Variants in AFF4 observed in about 807,000 individuals in gnomAD.
AFF4 encodes ALF transcription elongation factor 4, also known as AF4/FMR2 family member 4.
A neutral mutation model predicts 124.8 loss-of-function variants in AFF4; 13 were observed. The observed-to-expected ratio is 0.10, with a 90% confidence interval of 0.07 to 0.17. The LOEUF (loss-of-function observed/expected upper bound fraction) is 0.17, where lower values mean the gene tolerates loss of function less well. AFF4 is among the 10% of genes least tolerant of loss of function. The probability of loss-of-function intolerance (pLI) is 1.00; values close to 1 mark genes in which losing one functional copy is unlikely to be tolerated. For synonymous variants in AFF4, 477 were observed against 496.1 expected (o/e 0.96, Z 0.51); for missense variants, 1,092 against 1,403.8 (o/e 0.78, Z 3.55).
Position 132,898,252 on chromosome 5 carries a change from G to A in AFF4, c.1367C>T (p.Pro456Leu), listed in dbSNP as rs1760461041. 1 of 1,614,160 alleles carries A rather than the reference G, an allele frequency of 6.2e-7. No homozygotes were observed. Among genetic ancestry groups the A allele is most frequent in the Non-Finnish European group, 8.5e-7 (1 of 1,180,022 alleles). Residue 456 changes from proline (P) to leucine (L), a missense_variant, in exon 10 of 21, where the codon CCA (proline) becomes CTA (leucine). Around this residue, in one of 11 missense-constraint regions of AFF4, gnomAD observed 9 missense variants for 33.7 expected, o/e 0.27. Coordinates refer to ENST00000265343, the MANE Select transcript of AFF4 (RefSeq NM_014423.4). ...SSSSDSEANE[P>L]SQSASPEPEP... ...CACCTCGGGAGATGCACTCTGGGAT[G>A]GCTCATTTGCCTCACTGTCACTGGA...
At chr5:132,958,568 G>A (rs1368849935) in intron 1 of AFF4, among the ~76,000 whole-genome samples, 1 of 150,406 alleles carries the variant, frequency 6.6e-6, no homozygotes, top group African/African-American at 2.5e-5. Flanking sequence ...AAAACTTCAA[G>A]AAGGCAATGA....
intron 9 of AFF4, 134 bp downstream of exon 9, chr5:132,898,970 A>G (rs1208910103): frequency 1.3e-6 from 1 of 794,510 alleles, no homozygotes; most frequent in Non-Finnish European, 2.0e-6. Context: ...GTATAATTCA[A>G]TGACTTAATT....
rs564552397 is a variant in AFF4, at chr5:132,881,255, G to A, written c.3365-69C>T. The A allele has an allele frequency of 8.3e-5, 128 of 1,533,166 alleles. No individual in the cohort carries two copies. In the African/African-American group the frequency reaches 1.6e-3, roughly 20 times the overall value. 95.0% of individuals were successfully genotyped at this position (1,533,166 alleles called of 1,614,324 possible). ...AATCACTGCTTTAAAACTATGAGTA[G>A]AGATTATAAAACAGCATTCATAAAC... On this transcript the variant is annotated intron_variant, in intron 20 of 20. Coordinates refer to ENST00000265343, the MANE Select transcript of AFF4 (RefSeq NM_014423.4).
intron 5 of AFF4, among the ~76,000 whole-genome samples, chr5:132,919,035 C>G (rs942070831): frequency 2.6e-5 from 4 of 151,988 alleles, no homozygotes; most frequent in African/African-American, 9.7e-5. Context: ...TGTGCACCAC[C>G]ATGCCCCGTG....
At chr5:132,935,267 C>CGAAA (rs1761398094) in intron 2 of AFF4, among the ~76,000 whole-genome samples, 1 of 152,222 alleles carries the variant, frequency 6.6e-6, no homozygotes, top group Non-Finnish European at 1.5e-5. Context: ...ACTATGATTT[C>CGAAA]ACCTGTGAAG....
In AFF4 at chr5:132,927,155, T is replaced by C. The variant is rs1344773855; in HGVS notation, c.1016A>G (p.Lys339Arg). Residue 339 changes from lysine (K) to arginine (R), a missense_variant, in exon 5 of 21, where the codon AAA (lysine) becomes AGA (arginine). Transcript: ENST00000265343. The stretch of plus-strand genomic sequence containing the variant: ...AAAAGGAAATTTGGAAGGTTCTGTT[T>C]TGCATGGTGTATGAATAGCCGTTAG... Reference protein sequence around the residue: ...PPLTAIHTPCKTEPSKFPFPT... With the variant: ...PPLTAIHTPCRTEPSKFPFPT... The C allele has an allele frequency of 6.2e-7, 1 of 1,612,950 alleles. No homozygotes were observed. The highest frequency in any genetic ancestry group is 8.5e-7 in the Non-Finnish European group (1 of 1,179,682).
intron 2 of AFF4, among the ~76,000 whole-genome samples, chr5:132,936,326 T>C (rs1487261105): frequency 6.8e-6 from 1 of 148,074 alleles, no homozygotes; most frequent in African/African-American, 2.5e-5. Flanking sequence ...TTAGCTAACA[T>C]TCGTATTTTG....
intron 7 of AFF4, among the ~76,000 whole-genome samples, chr5:132,901,297 G>T (rs1760545848): frequency 6.6e-6 from 1 of 152,140 alleles, no homozygotes; most frequent in Non-Finnish European, 1.5e-5. Flanking sequence ...TATATATATG[G>T]TAAGACCACA....
intron 5 of AFF4, among the ~76,000 whole-genome samples, chr5:132,911,235 T>G (rs1338921969): frequency 1.3e-5 from 2 of 152,218 alleles, no homozygotes; most frequent in African/African-American, 4.8e-5. Context: ...ATTCTCTGTT[T>G]GCTTCAAAAG....
chr5:132,887,414 A>G (rs1760143827), intron 17 of AFF4, 107 bp downstream of exon 17: 1 of 1,025,730 alleles, frequency 9.7e-7, no homozygotes, highest in Admixed American at 2.3e-5. Flanking sequence ...GATTTAAGAC[A>G]GGATTACAGA....
chr5:132,926,538 C>CT (rs371859220), intron 5 of AFF4, among the ~76,000 whole-genome samples: 1,704 of 138,052 alleles, frequency 0.012, 9 homozygotes, highest in Middle Eastern at 0.018. Flanking sequence ...ATACCACTGT[C>CT]TTTTTTTTTT....
intron 5 of AFF4, chr5:132,926,320 T>C (rs1433936645): frequency 7.7e-6 from 3 of 388,894 alleles, no homozygotes; most frequent in Admixed American, 2.8e-5. Context: ...TCTGTATTAT[T>C]TGTTTTAAGT....
At chr5:132,921,819 G>A (rs1419543246) in intron 5 of AFF4, among the ~76,000 whole-genome samples, 1 of 151,848 alleles carries the variant, frequency 6.6e-6, no homozygotes, top group Non-Finnish European at 1.5e-5. Context: ...CAGTCTCTGT[G>A]ACCCAGGCTA....
At chr5:132,935,067 C>A (rs948641706) in intron 2 of AFF4, 126 bp from the exon 3 acceptor site, 2 of 681,986 alleles carry the variant, frequency 2.9e-6, no homozygotes, top group Non-Finnish European at 4.6e-6. Flanking sequence ...TACCTCATAT[C>A]TTAACGTTAA....
At chr5:132,962,358 A>G (rs918221372) in intron 1 of AFF4, among the ~76,000 whole-genome samples, 2 of 152,150 alleles carry the variant, frequency 1.3e-5, no homozygotes, top group African/African-American at 4.8e-5. Flanking sequence ...CTTAGTATAA[A>G]ATTTCCATGT....
chr5:132,948,582 T>A (rs906881625), intron 1 of AFF4: 1 of 155,610 alleles, frequency 6.4e-6, no homozygotes, highest in African/African-American at 2.4e-5. Context: ...ACTGGGGAGT[T>A]ATCATCACCA....
At position 132,880,273 on chromosome 5, in the gene AFF4, T is replaced by G. The variant is rs1001920151; in HGVS notation, c.*786A>C. The G allele has an allele frequency of 1.7e-4, 68 of 398,884 alleles. No homozygotes were observed. Among genetic ancestry groups the G allele is most frequent in the Non-Finnish European group, 2.8e-4 (64 of 226,038 alleles). The allele number at this position is 398,884 out of a possible 1,614,324, so 24.7% of individuals were successfully genotyped here. Reference sequence around the variant, plus strand: ...ATGAAACCCTTCAACATGAAATGCTTCTTCTAGAAAGTTTGTCCTCCCTCT... The same window carrying G: ...ATGAAACCCTTCAACATGAAATGCTGCTTCTAGAAAGTTTGTCCTCCCTCT... On this transcript the variant is annotated 3_prime_UTR_variant, in exon 21 of 21. Transcript: ENST00000265343.
intron 4 of AFF4, among the ~76,000 whole-genome samples, chr5:132,931,678 A>AG (rs1229918615): frequency 6.6e-6 from 1 of 152,248 alleles, no homozygotes; most frequent in Non-Finnish European, 1.5e-5. Flanking sequence ...GAACGCGGCC[A>AG]GGCGCGGTGA....
chr5:132,894,359 T>C (rs1417972236), intron 11 of AFF4, among the ~76,000 whole-genome samples: 3 of 152,230 alleles, frequency 2.0e-5, no homozygotes, highest in African/African-American at 4.8e-5. Context: ...CTTTTGATCA[T>C]AGCACAGCCT....
Sources: allele counts gnomAD v4.1 joint callset (sites outside exome capture counted in the v4.1 genomes callset), GRCh38; gene constraint gnomAD v4.1.1; regional missense constraint gnomAD v4.1.1; transcripts MANE v1.5; gene names NCBI Gene and HGNC (gene_info 2026-07-23, HGNC 2026-07-21).